UVRAG: variants seen among roughly 807,000 people sequenced by gnomAD.
UVRAG encodes the protein UV radiation resistance-associated gene protein.
In UVRAG, 19 loss-of-function variants were observed where a neutral mutation model predicts 78.0. That is an observed-to-expected ratio of 0.24 (90% confidence interval 0.17 to 0.36). The LOEUF (loss-of-function observed/expected upper bound fraction) is 0.36, where lower values mean the gene tolerates loss of function less well. UVRAG is among the 10% of genes least tolerant of loss of function. UVRAG has a pLI of 1.00. For synonymous variants in UVRAG, 323 were observed against 324.6 expected (o/e 1.00, Z 0.05); for missense variants, 740 against 853.8 (o/e 0.87, Z 1.66).
intron 6 of UVRAG, among the ~76,000 whole-genome samples, chr11:75,920,640 A>G (rs922274338): frequency 6.6e-6 from 1 of 152,078 alleles, no homozygotes; most frequent in Non-Finnish European, 1.5e-5. Flanking sequence ...ATAGGTCCGC[A>G]TGACCCCTAG....
intron 8 of UVRAG, among the ~76,000 whole-genome samples, chr11:75,998,430 A>G (rs1314517220): frequency 2.6e-5 from 4 of 152,244 alleles, no homozygotes; most frequent in African/African-American, 7.2e-5. Context: ...TTAAAAAATC[A>G]AATTAATATC....
chr11:75,952,734 T>C (rs1948727248), intron 6 of UVRAG, among the ~76,000 whole-genome samples: 1 of 152,076 alleles, frequency 6.6e-6, no homozygotes, highest in African/African-American at 2.4e-5. Flanking sequence ...GTATAATAAT[T>C]GGTCTATAAT....
In UVRAG at chr11:76,141,265, C is replaced by T; in HGVS notation, c.1952C>T (p.Ala651Val). The T allele has an allele frequency of 4.3e-6, 7 of 1,614,216 alleles. No individual in the cohort carries two copies. Among genetic ancestry groups the T allele is most frequent in the Non-Finnish European group, 5.9e-6 (7 of 1,180,048 alleles). The change falls in exon 15 of 15, where the codon GCA becomes GTA. Residue 651 changes from alanine to valine, a missense_variant. Physicochemically the swap from Ala to Val is moderately conservative, Grantham distance 64 (BLOSUM62 0). Transcript: ENST00000356136. ...TTCGCCTCAGGTGATCAGCTAGAAG[C>T]ATTTAACTGCATCCCAGTGGACAGT... ...TGFASGDQLE[A>V]FNCIPVDSAV...
intron 13 of UVRAG, among the ~76,000 whole-genome samples, chr11:76,075,528 G>A (rs1951387995): frequency 6.6e-6 from 1 of 151,948 alleles, no homozygotes; most frequent in South Asian, 2.1e-4. Flanking sequence ...CAGGAGTGAA[G>A]GAGTGGCTTG....
intron 13 of UVRAG, among the ~76,000 whole-genome samples, chr11:76,088,862 T>C (rs140640792): frequency 8.1e-4 from 123 of 152,220 alleles, no homozygotes; most frequent in Non-Finnish European, 1.5e-3. Flanking sequence ...ATCGATCAAA[T>C]ATGTGAATAT....
intron 14 of UVRAG, among the ~76,000 whole-genome samples, chr11:76,131,015 C>T (rs1345708868): frequency 2.6e-5 from 4 of 151,758 alleles, no homozygotes; most frequent in Non-Finnish European, 2.9e-5. Flanking sequence ...CCAGATACTC[C>T]GAGGGGTCCC....
At chr11:75,817,399 A>G (rs1945282119) in intron 1 of UVRAG, among the ~76,000 whole-genome samples, 1 of 152,176 alleles carries the variant, frequency 6.6e-6, no homozygotes, top group Non-Finnish European at 1.5e-5. Flanking sequence ...GAATAATTTC[A>G]GCCTCATTTG....
chr11:76,131,367 C>T (rs1952510524), intron 14 of UVRAG, among the ~76,000 whole-genome samples: 2 of 152,178 alleles, frequency 1.3e-5, no homozygotes, highest in South Asian at 2.1e-4. Flanking sequence ...CCCTCATCCT[C>T]TGTCCACTGG....
chr11:76,140,115 CTCTCT>C (rs1952686716), intron 14 of UVRAG, among the ~76,000 whole-genome samples: 3 of 40,990 alleles, frequency 7.3e-5, no homozygotes, highest in African/African-American at 1.5e-4. Context: ...CTCCCTCCCT[CTCTCT>C]CTCTCTCTCT....
At chr11:76,044,403 T>C (rs1269513015) in intron 12 of UVRAG, among the ~76,000 whole-genome samples, 1 of 152,192 alleles carries the variant, frequency 6.6e-6, no homozygotes, top group African/African-American at 2.4e-5. Flanking sequence ...GTAGTAAATG[T>C]CAAACTTCTG....
intron 12 of UVRAG, among the ~76,000 whole-genome samples, chr11:76,053,365 C>T (rs1193940083): frequency 1.4e-5 from 2 of 142,918 alleles, no homozygotes; most frequent in Admixed American, 6.7e-5. Context: ...GCACCTGCTC[C>T]TTCTCCCGTG....
intron 9 of UVRAG, among the ~76,000 whole-genome samples, chr11:76,005,159 C>T (rs1007226534): frequency 6.6e-6 from 1 of 152,018 alleles, no homozygotes; most frequent in Admixed American, 6.6e-5. Context: ...CTGGCTAACA[C>T]GGTGAAACCC....
chr11:76,014,378 A>G (rs369539745), intron 11 of UVRAG, among the ~76,000 whole-genome samples: 1 of 152,196 alleles, frequency 6.6e-6, no homozygotes, highest in Non-Finnish European at 1.5e-5. Flanking sequence ...CTGTCAGGTC[A>G]TATAGGAAAG....
At position 76,076,995 on chromosome 11, in the gene UVRAG, C is replaced by T. The variant is rs1481969741; in HGVS notation, c.1305+11207C>T. ...TTGTACCATTGCACTCCAGCCTGGG[C>T]GACATGGCAAACCCTGTCTCAAAAA... On this transcript the variant is annotated intron_variant, in intron 13 of 14. Coordinates refer to ENST00000356136, the MANE Select transcript of UVRAG (RefSeq NM_003369.4). Among the ~76,000 whole-genome samples, 6 of 145,976 alleles carry T rather than the reference C, an allele frequency of 4.1e-5. No homozygotes were observed. In the East Asian group the frequency reaches 7.9e-4, roughly 19 times the overall value.
intron 12 of UVRAG, among the ~76,000 whole-genome samples, chr11:76,054,116 C>CT (rs886973576): frequency 6.6e-6 from 1 of 152,120 alleles, no homozygotes; most frequent in Non-Finnish European, 1.5e-5. Flanking sequence ...CCCTCACACT[C>CT]TTTTTTTAAC....
At chr11:75,978,927 A>C (rs74609396) in intron 7 of UVRAG, among the ~76,000 whole-genome samples, 1 of 152,344 alleles carries the variant, frequency 6.6e-6, no homozygotes, top group African/African-American at 2.4e-5. Context: ...AAGGAGCTGC[A>C]TTCCTTTGGA....
At chr11:75,955,670 C>T (rs1290389031) in intron 6 of UVRAG, among the ~76,000 whole-genome samples, 1 of 152,084 alleles carries the variant, frequency 6.6e-6, no homozygotes, top group African/African-American at 2.4e-5. Flanking sequence ...GAGGCTGAGG[C>T]GGAAGGATGG....
At chr11:76,029,720 A>G (rs1950397825) in intron 12 of UVRAG, among the ~76,000 whole-genome samples, 1 of 152,226 alleles carries the variant, frequency 6.6e-6, no homozygotes, top group African/African-American at 2.4e-5. Flanking sequence ...AGAATGTTAC[A>G]TAAACTTAGT....
chr11:75,874,285 A>C (rs904298121), intron 3 of UVRAG, among the ~76,000 whole-genome samples: 5 of 151,960 alleles, frequency 3.3e-5, no homozygotes, highest in South Asian at 2.1e-4. Flanking sequence ...AAAAACAACA[A>C]CACACACACA....
Sources: allele counts gnomAD v4.1 joint callset (sites outside exome capture counted in the v4.1 genomes callset), GRCh38; gene constraint gnomAD v4.1.1; transcripts MANE v1.5; gene names NCBI Gene and HGNC (gene_info 2026-07-23, HGNC 2026-07-21).